The following LPA variants were observed in gnomAD, a reference collection of about 807,000 sequenced individuals.
The protein encoded by LPA is apolipoprotein(a).
LPA carries 199 observed loss-of-function variants against 197.9 expected under a neutral mutation model. That is an observed-to-expected ratio of 1.01 (90% confidence interval 0.90 to 1.13). The LOEUF is 1.13. Among genes scored for constraint, LPA ranks in the 50% most tolerant of loss-of-function variants. The pLI is 0.00. For synonymous variants in LPA, 715 were observed against 639.5 expected (o/e 1.12, Z -1.78); for missense variants, 1,853 against 1,785.8 (o/e 1.04, Z -0.68).
intron 28 of LPA, among the ~76,000 whole-genome samples, chr6:160,563,556 G>A (rs1778397947): frequency 6.6e-6 from 1 of 152,214 alleles, no homozygotes; most frequent in Admixed American, 6.5e-5. Flanking sequence ...GATTTGTGGT[G>A]TCGAGTTCTG....
At chr6:160,657,893 G>C (rs1480782446) in intron 1 of LPA, among the ~76,000 whole-genome samples, 1 of 152,160 alleles carries the variant, frequency 6.6e-6, no homozygotes, top group Non-Finnish European at 1.5e-5. Flanking sequence ...AGTTCTTTTA[G>C]AGTATAATGC....
At chr6:160,592,805 C>T (rs573439266) in intron 22 of LPA, among the ~76,000 whole-genome samples, 17 of 152,122 alleles carry the variant, frequency 1.1e-4, no homozygotes, top group Non-Finnish European at 2.1e-4. Flanking sequence ...GAAGATCCTA[C>T]TCCCAAATTA....
At chr6:160,572,621 C>T (rs1778583381) in intron 28 of LPA, among the ~76,000 whole-genome samples, 1 of 147,098 alleles carries the variant, frequency 6.8e-6, no homozygotes. Flanking sequence ...ATTCTCTTAG[C>T]ATTTGTTTGT....
At chr6:160,647,338 C>T (rs191990527) in intron 2 of LPA, among the ~76,000 whole-genome samples, 3 of 152,276 alleles carry the variant, frequency 2.0e-5, no homozygotes, top group Admixed American at 2.0e-4. Context: ...TTCCTTATGC[C>T]TCCCAAGAAC....
intron 32 of LPA, 73 bp from the exon 33 acceptor site, chr6:160,545,606 C>T: frequency 3.5e-6 from 3 of 850,824 alleles, no homozygotes; most frequent in Non-Finnish European, 6.2e-6. Context: ...AAGGCACACA[C>T]ATTTCACATC....
chr6:160,605,132 G>A lies in LPA; in HGVS notation c.2859C>T (p.Phe953=), dbSNP rs1429400091. The change falls in exon 18 of 39, where the codon TTC becomes TTT. Residue 953 remains phenylalanine (F), a synonymous_variant. Coordinates refer to ENST00000316300, the MANE Select transcript of LPA (RefSeq NM_005577.4). ...GGCAGGTTCTTCCTGTGACAGTAAT[G>A]AAGTATGTGCCTTGATAACTCTGTC... The part of the protein sequence containing the change: ...GNGQSYQGTY[F]ITVTGRTCQA... 6.2e-7 allele frequency: 1 copy of A among 1,613,966 alleles called. No homozygotes were observed. The highest frequency in any genetic ancestry group is 8.5e-7 in the Non-Finnish European group (1 of 1,179,860).
intron 28 of LPA, among the ~76,000 whole-genome samples, chr6:160,570,455 G>A (rs1778542666): frequency 2.0e-5 from 3 of 152,116 alleles, no homozygotes; most frequent in Non-Finnish European, 2.9e-5. Flanking sequence ...TGGACACAGA[G>A]TGGGGAACAT....
At position 160,601,037 on chromosome 6, in the gene LPA, T is replaced by C; in HGVS notation, c.3007A>G (p.Thr1003Ala). The C allele has an allele frequency of 3.7e-6, 6 of 1,614,130 alleles. No individual in the cohort carries two copies. The highest frequency in any genetic ancestry group is 5.1e-6 in the Non-Finnish European group (6 of 1,179,982). Residue 1003 changes from threonine to alanine, a missense_variant, in exon 19 of 39, where the codon ACA (threonine) becomes GCA (alanine). By Grantham distance (58) the Thr-to-Ala change is moderately conservative. Coordinates refer to ENST00000316300, the MANE Select transcript of LPA (RefSeq NM_005577.4). ...TACTCCCACCTGACACTGGGATCTG[T>C]TGTATAACACCAAGGGGCTGCCACA... is the stretch of plus-strand genomic sequence containing the variant. The part of the protein sequence containing the change: ...DPVAAPWCYT[T>A]DPSVRWEYCN...
Position 160,605,127 on chromosome 6 carries a change from G to T in LPA, c.2864C>A (p.Thr955Asn). The T allele has an allele frequency of 6.2e-7, 1 of 1,613,998 alleles. No individual in the cohort carries two copies. Among genetic ancestry groups the T allele is most frequent in the Non-Finnish European group, 8.5e-7 (1 of 1,179,868 alleles). The change falls in exon 18 of 39, where the codon ACT becomes AAT. Residue 955 changes from threonine (T) to asparagine (N), a missense_variant. Physicochemically the swap from Thr to Asn is moderately conservative, Grantham distance 65 (BLOSUM62 0). This residue lies in a region of LPA where 1,737 missense variants were observed against 1,504.4 expected (regional missense o/e 1.15). Transcript: ENST00000316300. The part of the protein sequence containing the change: ...GQSYQGTYFI[T>N]VTGRTCQAWS... ...AGCTTGGCAGGTTCTTCCTGTGACA[G>T]TAATGAAGTATGTGCCTTGATAACT...
chr6:160,647,471 G>C (rs1240217414), intron 2 of LPA, among the ~76,000 whole-genome samples: 1 of 152,170 alleles, frequency 6.6e-6, no homozygotes, highest in Non-Finnish European at 1.5e-5. Flanking sequence ...ATGTGGCCTA[G>C]TCTCAGTCCC....
chr6:160,571,917 G>C lies in LPA; in HGVS notation c.4631+5219C>G, dbSNP rs139249080. 1.4e-4 allele frequency among the ~76,000 whole-genome samples: 21 copies of C among 152,174 alleles called. No individual in the cohort carries two copies. In the East Asian group the frequency reaches 4.1e-3, roughly 29 times the overall value. On this transcript the variant is annotated intron_variant, in intron 28 of 38. Coordinates refer to ENST00000316300, the MANE Select transcript of LPA (RefSeq NM_005577.4). Reference sequence around the variant, plus strand: ...CTTGCTGGCATTCCAGGGACCACTGGGGTATGAAAAAAAACTCCTGCAGCT... The same window carrying C: ...CTTGCTGGCATTCCAGGGACCACTGCGGTATGAAAAAAAACTCCTGCAGCT...
chr6:160,582,527 G>A (rs1426509025), intron 26 of LPA, among the ~76,000 whole-genome samples: 6 of 151,678 alleles, frequency 4.0e-5, no homozygotes, highest in Non-Finnish European at 5.9e-5. Flanking sequence ...GATTTGTGTT[G>A]TTTCTGATGA....
chr6:160,548,479 T>C lies in LPA; in HGVS notation c.5154A>G (p.Gln1718=). The C allele has an allele frequency of 6.2e-7, 1 of 1,613,860 alleles. No homozygotes were observed. The highest frequency in any genetic ancestry group is 8.5e-7 in the Non-Finnish European group (1 of 1,179,940). Residue 1718 remains glutamine (Q), a splice_region_variant and synonymous_variant, in exon 31 of 39, where the codon CAA becomes CAG. Coordinates refer to ENST00000316300, the MANE Select transcript of LPA (RefSeq NM_005577.4). ...QVPSLGPPSE[Q]DCMFGNGKGY... ...CAAGGTAAGACACAGACTTCTTACC[T>C]TGTTCAGAAGGAGGCCCTAGGCTTG...
intron 17 of LPA, among the ~76,000 whole-genome samples, chr6:160,605,895 A>G (rs1372729567): frequency 1.1e-4 from 17 of 152,306 alleles, no homozygotes; most frequent in Non-Finnish European, 2.1e-4. Context: ...AACTGCCACC[A>G]GAACACGGGG....
chr6:160,551,015 C>G (rs114914749), intron 30 of LPA, among the ~76,000 whole-genome samples: 1 of 152,142 alleles, frequency 6.6e-6, no homozygotes, highest in African/African-American at 2.4e-5. Flanking sequence ...GAGATGTCTT[C>G]GTGGACTTAT....
At chr6:160,607,287 G>A (rs1160193973) in intron 16 of LPA, among the ~76,000 whole-genome samples, 1 of 152,074 alleles carries the variant, frequency 6.6e-6, no homozygotes, top group African/African-American at 2.4e-5. Context: ...GTTTGTTTCT[G>A]CAAGACTTCT....
At position 160,589,701 on chromosome 6, in the gene LPA, G is replaced by A. The variant is rs534680258; in HGVS notation, c.3799C>T (p.Gln1267Ter). The A allele has an allele frequency of 3.1e-6, 5 of 1,613,852 alleles. No individual in the cohort carries two copies. In the South Asian group the frequency reaches 4.4e-5, roughly 14 times the overall value. Reference sequence around the variant, plus strand: ...TAGCAGTCCTGGACTGTGGGGCTTTGCTCCGTTGGTGCTGAAATTCAAAGA... The same window carrying A: ...TAGCAGTCCTGGACTGTGGGGCTTTACTCCGTTGGTGCTGAAATTCAAAGA... ...TAVSEQAPTEQSPTVQDCYHG... is the reference protein window; with the variant it reads ...TAVSEQAPTE The change falls in exon 24 of 39, where the codon CAA becomes TAA. Residue 1267 changes from glutamine (Q) to a stop codon, truncating the protein, a stop_gained. Coordinates refer to ENST00000316300, the MANE Select transcript of LPA (RefSeq NM_005577.4). LOFTEE classifies it high-confidence loss of function.
intron 26 of LPA, among the ~76,000 whole-genome samples, chr6:160,580,443 G>A (rs1317086917): frequency 4.6e-5 from 7 of 152,142 alleles, no homozygotes; most frequent in Non-Finnish European, 1.0e-4. Context: ...TTACAGGTTT[G>A]TAGGATAGAT....
chr6:160,650,424 G>T lies in LPA; in HGVS notation c.123C>A (p.Ser41=), dbSNP rs1470236660. 6.2e-7 allele frequency: 1 copy of T among 1,613,844 alleles called. No individual in the cohort carries two copies. The highest frequency in any genetic ancestry group is 2.2e-5 in the East Asian group (1 of 44,862). ...GGCAGGTCCTTCCTGTGACAGTGGT[G>T]GAGTACGTGCCTCGATAACTCTGTC... ...GDGQSYRGTY[S]TTVTGRTCQA... The change falls in exon 2 of 39, where the codon TCC becomes TCA. Residue 41 remains serine (S), a synonymous_variant. Coordinates refer to ENST00000316300, the MANE Select transcript of LPA (RefSeq NM_005577.4).
Sources: allele counts gnomAD v4.1 joint callset (sites outside exome capture counted in the v4.1 genomes callset), GRCh38; gene constraint gnomAD v4.1.1; regional missense constraint gnomAD v4.1.1; transcripts MANE v1.5; gene names NCBI Gene and HGNC (gene_info 2026-07-23, HGNC 2026-07-21).